Variants in AGT observed in about 807,000 individuals in gnomAD.
The protein encoded by AGT is alpha-1 antiproteinase, antitrypsin.
Under a neutral mutation model 28.1 loss-of-function variants are expected in AGT, and 26 were observed. That is an observed-to-expected ratio of 0.92 (90% CI 0.68 to 1.28). The LOEUF is 1.28. Among genes scored for constraint, AGT ranks in the 50% most tolerant of loss-of-function variants. AGT has a pLI of 0.00. For missense variants in AGT, 596 were observed against 592.3 expected (o/e 1.01, Z -0.06); for synonymous variants, 259 against 259.6 (o/e 1.00, Z 0.02).
chr1:230,726,094 C>T (rs1474617596), intron 1 of AGT, among the ~76,000 whole-genome samples: 1 of 152,154 alleles, frequency 6.6e-6, no homozygotes, highest in African/African-American at 2.4e-5. Context: ...AATGACTTCA[C>T]TTGGCATCAC....
In AGT at chr1:230,705,994, T is replaced by C. The variant is rs772123904; in HGVS notation, c.1036A>G (p.Lys346Glu). ...IQPHYASDLD[K>E]VEGLTFQQNS... ...TGCTGGAAAGTGAGACCCTCCACCT[T>C]GTCCAGGTCAGAGGCATAGTGAGGC... Residue 346 changes from lysine to glutamate, a missense_variant, in exon 3 of 5, where the codon AAG becomes GAG. Physicochemically the swap from Lys to Glu is moderately conservative, Grantham distance 56. Transcript: ENST00000366667. 1.2e-6 allele frequency: 2 copies of C among 1,614,096 alleles called. No homozygotes were observed. The highest frequency in any genetic ancestry group is 2.2e-5 in the South Asian group (2 of 91,074).
intron 1 of AGT, among the ~76,000 whole-genome samples, chr1:230,730,474 G>A (rs536403668): frequency 6.6e-6 from 1 of 152,212 alleles, no homozygotes; most frequent in African/African-American, 2.4e-5. Context: ...AATAAAGTCC[G>A]CACTGCTTGA....
intron 1 of AGT, among the ~76,000 whole-genome samples, chr1:230,736,294 T>C (rs1264974747): frequency 1.3e-5 from 2 of 151,988 alleles, no homozygotes; most frequent in South Asian, 2.1e-4. Flanking sequence ...GAGGCTGAGG[T>C]GGGCAGATCA....
rs373191605 is a variant in AGT at position 230,708,462 on chromosome 1, G to A, written c.829+1533C>T. Among the ~76,000 whole-genome samples, 215 of 152,260 alleles carry A rather than the reference G, an allele frequency of 1.4e-3. 1 individual carries two copies. In the South Asian group the frequency reaches 0.016, roughly 11 times the overall value. On this transcript the variant is annotated intron_variant, in intron 2 of 4. Transcript: ENST00000366667. ...TGCCACCCTCAACCGGGCAACCCTC[G>A]GGCTGGCCTCTGCCCCTGTGACCAG...
chr1:230,734,887 T>C (rs1176791754), intron 1 of AGT, among the ~76,000 whole-genome samples: 1 of 151,946 alleles, frequency 6.6e-6, no homozygotes, highest in Non-Finnish European at 1.5e-5. Context: ...CTTTTTTTTT[T>C]GTATGTTTAG....
In AGT at chr1:230,736,937, C is replaced by T. The variant is rs182722544; in HGVS notation, c.-31+8578G>A. Among the ~76,000 whole-genome samples, 68 of 152,226 alleles carry T rather than the reference C, an allele frequency of 4.5e-4. No homozygotes were observed. The East Asian group carries it at 0.011, about 25-fold the overall frequency. On this transcript the variant is annotated intron_variant, in intron 1 of 4. Coordinates refer to the AGT transcript ENST00000681269. ...TCTGTGAATCGGAAGCTCTGTGAAT[C>T]GAAAGCTCTGTTCTCCTTGGGCTGA... is the stretch of plus-strand genomic sequence containing the variant.
At position 230,710,545 on chromosome 1, in the gene AGT, C is replaced by T. The variant is rs776665337; in HGVS notation, c.279G>A (p.Arg93=). 6.8e-6 allele frequency: 11 copies of T among 1,614,108 alleles called. No individual in the cohort carries two copies. In the African/African-American group the frequency reaches 1.1e-4, roughly 16 times the overall value. The change falls in exon 2 of 5, where the codon AGG becomes AGA. Residue 93 remains arginine (R), a synonymous_variant. Transcript: ENST00000366667. ...TGGCCAGCATCCCGACCATTGCGGC[C>T]CTCAACTTGTCTTCGGTGTCAAGTT... ...AAKLDTEDKL[R]AAMVGMLANF...
chr1:230,721,371 G>A (rs1663839628), intron 1 of AGT, among the ~76,000 whole-genome samples: 1 of 152,196 alleles, frequency 6.6e-6, no homozygotes, highest in African/African-American at 2.4e-5. Flanking sequence ...TTTTTGCTTG[G>A]CATATAGAGT....
At chr1:230,741,461 CG>C (rs1346990802) in intron 1 of AGT, among the ~76,000 whole-genome samples, 17 of 152,222 alleles carry the variant, frequency 1.1e-4, no homozygotes, top group Non-Finnish European at 2.1e-4. Flanking sequence ...TGTGGAGCAG[CG>C]AGTGTGGGGG....
chr1:230,721,759 T>G (rs548010956), intron 1 of AGT, among the ~76,000 whole-genome samples: 2 of 152,224 alleles, frequency 1.3e-5, no homozygotes, highest in Admixed American at 1.3e-4. Flanking sequence ...ATTTTACCCC[T>G]GCCTTTAGGA....
intron 1 of AGT, among the ~76,000 whole-genome samples, chr1:230,726,607 G>A (rs943269807): frequency 1.5e-4 from 23 of 152,120 alleles, no homozygotes; most frequent in Non-Finnish European, 8.8e-5. Context: ...AGTAAGCATA[G>A]CTTATTGGAT....
At chr1:230,704,427 A>T (rs1462141928) in intron 3 of AGT, 90 bp from the exon 4 acceptor site, 1 of 1,498,256 alleles carries the variant, frequency 6.7e-7, no homozygotes, top group Admixed American at 1.9e-5. Context: ...CTTGCACCCA[A>T]CCCTGACGAC....
rs117747038 is a variant in AGT, at chr1:230,728,774, A to G, written c.-31+16741T>C. Among the ~76,000 whole-genome samples the G allele has an allele frequency of 1.2e-3, 178 of 152,324 alleles. 1 individual carries two copies. Among genetic ancestry groups the G allele is most frequent in the East Asian group, 2.9e-3 (15 of 5,182 alleles). On this transcript the variant is annotated intron_variant, in intron 1 of 4. Coordinates refer to the AGT transcript ENST00000681269. Reference sequence around the variant, plus strand: ...CTTTGCACCATAGCTCTTTCAGCACATGCATTAGTTTTGCTCTTGCCTCAC... The same window carrying G: ...CTTTGCACCATAGCTCTTTCAGCACGTGCATTAGTTTTGCTCTTGCCTCAC...
At chr1:230,705,712 G>C (rs1663363060) in intron 3 of AGT, among the ~76,000 whole-genome samples, 1 of 152,218 alleles carries the variant, frequency 6.6e-6, no homozygotes, top group African/African-American at 2.4e-5. Context: ...CCTTTACCTT[G>C]CCTGCACTTG....
chr1:230,706,032 AGGC>A lies in AGT; in HGVS notation c.995_997del (p.Cys332del). 3.1e-6 allele frequency: 5 copies of A among 1,614,198 alleles called. No homozygotes were observed. Among genetic ancestry groups the A allele is most frequent in the Non-Finnish European group, 4.2e-6 (5 of 1,180,040 alleles). On this transcript the variant is annotated inframe_deletion, in exon 3 of 5. Transcript: ENST00000366667. Reference sequence around the variant, plus strand: ...GGCATAGTGAGGCTGGATCAGCAGCAGGCAGGCGCTCTCAGTGAAGGGCACTTG... The same window carrying A: ...GGCATAGTGAGGCTGGATCAGCAGCAAGGCGCTCTCAGTGAAGGGCACTTG...
intron 1 of AGT, among the ~76,000 whole-genome samples, chr1:230,736,923 G>GAAGCTCTGTGAATCGA (rs1174892129): frequency 1.3e-5 from 2 of 152,150 alleles, no homozygotes; most frequent in Admixed American, 6.5e-5. Context: ...CTGTGAATCG[G>GAAGCTCTGTGAATCGA]AAGCTCTGTG....
At chr1:230,711,334 G>A (rs1160441656) in intron 1 of AGT, among the ~76,000 whole-genome samples, 3 of 152,110 alleles carry the variant, frequency 2.0e-5, no homozygotes, top group Non-Finnish European at 2.9e-5. Context: ...TACAAGCCAA[G>A]GATAGAGGAC....
At chr1:230,720,645 C>T (rs1558291721) in intron 1 of AGT, among the ~76,000 whole-genome samples, 1 of 152,226 alleles carries the variant, frequency 6.6e-6, no homozygotes. Flanking sequence ...GATCCCCACC[C>T]TTCACCTATT....
In AGT at chr1:230,703,420, T is replaced by A. The variant is rs1663288401; in HGVS notation, c.1243-91A>T. The stretch of plus-strand genomic sequence containing the variant: ...AGAGGGCCGGGGTGGGCTCAGGACC[T>A]CTGTGCTGTGCACTGTCCTGGAGGG... On this transcript the variant is annotated intron_variant, in intron 4 of 4. Coordinates refer to ENST00000366667, the MANE Select transcript of AGT (RefSeq NM_001384479.1). 2.2e-6 allele frequency: 3 copies of A among 1,364,342 alleles called. No individual in the cohort carries two copies. In the Admixed American group the frequency reaches 5.3e-5, roughly 24 times the overall value. 84.5% of individuals were successfully genotyped at this position (1,364,342 alleles called of 1,614,324 possible).
Sources: allele counts gnomAD v4.1 joint callset (sites outside exome capture counted in the v4.1 genomes callset), GRCh38; gene constraint gnomAD v4.1.1; transcripts MANE v1.5; gene names NCBI Gene and HGNC (gene_info 2026-07-23, HGNC 2026-07-21).